The following FOXN3 variants were observed in gnomAD, a reference collection of about 807,000 sequenced individuals.
FOXN3 encodes forkhead box N3.
In FOXN3, 7 loss-of-function variants were observed where a neutral mutation model predicts 38.4. The observed-to-expected ratio is 0.18, with a 90% CI of 0.10 to 0.34. FOXN3 has a LOEUF of 0.34. FOXN3 is among the 10% of genes least tolerant of loss of function. The pLI is 1.00. For synonymous variants in FOXN3, 230 were observed against 242.2 expected (o/e 0.95, Z 0.47); for missense variants, 456 against 613.4 (o/e 0.74, Z 2.71).
chr14:89,340,507 A>G (rs1888584913), intron 3 of FOXN3, among the ~76,000 whole-genome samples: 1 of 152,222 alleles, frequency 6.6e-6, no homozygotes, highest in African/African-American at 2.4e-5. Context: ...TCTCACATCC[A>G]TGGCAGAGTC....
chr14:89,469,647 C>T (rs1893049902), intron 1 of FOXN3, among the ~76,000 whole-genome samples: 2 of 152,194 alleles, frequency 1.3e-5, no homozygotes, highest in Non-Finnish European at 2.9e-5. Flanking sequence ...TTTGATCGCC[C>T]TCTGGGTGCC....
intron 1 of FOXN3, among the ~76,000 whole-genome samples, chr14:89,551,628 G>A (rs1324986115): frequency 6.6e-6 from 1 of 152,172 alleles, no homozygotes; most frequent in African/African-American, 2.4e-5. Flanking sequence ...GCTTCTGGAC[G>A]AGTGTGTAGT....
chr14:89,487,319 A>G (rs1893468466), intron 1 of FOXN3, among the ~76,000 whole-genome samples: 1 of 152,248 alleles, frequency 6.6e-6, no homozygotes, highest in Non-Finnish European at 1.5e-5. Flanking sequence ...TCTCTAATGA[A>G]AAGAATGGCA....
rs75398210 is a variant in FOXN3 at position 89,446,702 on chromosome 14, C to G, written c.-14-34212G>C. ...CTGAGACCATATCTGCCTTGGTTGT[C>G]ACTACACACTTTTCACACCTACCAG... On this transcript the variant is annotated intron_variant, in intron 1 of 6. Transcript: ENST00000345097. Among the ~76,000 whole-genome samples the G allele has an allele frequency of 2.0e-3, 308 of 152,188 alleles. 1 individual carries two copies. The highest frequency in any genetic ancestry group is 0.017 in the Middle Eastern group (5 of 292).
At position 89,280,940 on chromosome 14, in the gene FOXN3, A is replaced by AG. The variant is rs1566945637; in HGVS notation, c.745+9dup. On this transcript the variant is annotated intron_variant, in intron 4 of 5. Transcript: ENST00000557258. ...GGGAGGGAGAGGAAGGGGTGTTACT[A>AG]GGGACCTACCTTGGAGAAGGGCTCC... 1.9e-6 allele frequency: 3 copies of AG among 1,612,556 alleles called. No individual in the cohort carries two copies. The highest frequency in any genetic ancestry group is 4.5e-5 in the East Asian group (2 of 44,848).
chr14:89,413,053 C>T (rs1008212616), intron 1 of FOXN3, among the ~76,000 whole-genome samples: 44 of 152,178 alleles, frequency 2.9e-4, no homozygotes, highest in African/African-American at 1.1e-3. Context: ...CCCTCCACCC[C>T]GACCCACCAC....
At chr14:89,248,611 G>A (rs770787631) in intron 4 of FOXN3, among the ~76,000 whole-genome samples, 2 of 152,242 alleles carry the variant, frequency 1.3e-5, no homozygotes, top group Admixed American at 6.5e-5. Context: ...GCATGCCTAC[G>A]TGTGCTGTGC....
chr14:89,159,992 G>C lies in FOXN3; in HGVS notation c.*2422C>G, dbSNP rs1302396452. On this transcript the variant is annotated 3_prime_UTR_variant, in exon 6 of 6. Transcript: ENST00000557258. ...GTAAGTGTGGGGAATGCACCAGTTA[G>C]TTCCCACTGTCCGGGCTGATGGAGC... is the stretch of plus-strand genomic sequence containing the variant. The C allele has an allele frequency of 6.6e-6, 1 of 152,156 alleles. No homozygotes were observed. Among genetic ancestry groups the C allele is most frequent in the African/African-American group, 2.4e-5 (1 of 41,412 alleles). The allele number at this position is 152,156 out of a possible 1,614,324, so 9.4% of individuals were successfully genotyped here. A position where few individuals can be genotyped will look rare whatever the true frequency, so the allele number is the denominator to read the frequency against.
intron 2 of FOXN3, among the ~76,000 whole-genome samples, chr14:89,375,343 TAAG>T (rs756797754): frequency 7.2e-5 from 11 of 152,306 alleles, no homozygotes; most frequent in East Asian, 3.9e-4. Context: ...TAAATTTTTT[TAAG>T]AAGTACACAA....
chr14:89,488,697 C>T (rs964110672), intron 1 of FOXN3, among the ~76,000 whole-genome samples: 5 of 151,554 alleles, frequency 3.3e-5, no homozygotes, highest in African/African-American at 7.2e-5. Flanking sequence ...AGGGAAGAAC[C>T]GCAACTGCTT....
At chr14:89,493,254 AT>A (rs1006468914) in intron 1 of FOXN3, among the ~76,000 whole-genome samples, 1 of 152,216 alleles carries the variant, frequency 6.6e-6, no homozygotes, top group Non-Finnish European at 1.5e-5. Flanking sequence ...AAATAAAAAA[AT>A]TTTTTGACAT....
intron 1 of FOXN3, among the ~76,000 whole-genome samples, chr14:89,452,830 A>G (rs1892639270): frequency 6.6e-6 from 1 of 152,238 alleles, no homozygotes; most frequent in African/African-American, 2.4e-5. Context: ...AACCTTTCAA[A>G]GTGCCTATCT....
chr14:89,501,177 C>T (rs1399522452), intron 1 of FOXN3, among the ~76,000 whole-genome samples: 1 of 152,124 alleles, frequency 6.6e-6, no homozygotes, highest in African/African-American at 2.4e-5. Flanking sequence ...GTATCTTATG[C>T]TAATCCTTAA....
In FOXN3 at chr14:89,490,136, G is replaced by A. The variant is rs117917586; in HGVS notation, c.-14-77646C>T. Among the ~76,000 whole-genome samples the A allele has an allele frequency of 6.0e-3, 918 of 152,298 alleles. 23 individuals are homozygous for A. In the East Asian group the frequency reaches 0.061, roughly 10 times the overall value. ...TGGCCCAGTGATACGGTGCCCAGGC[G>A]CTGGGAGGCATGTGCTTTCTTTTTT... On this transcript the variant is annotated intron_variant, in intron 1 of 6. Coordinates refer to the FOXN3 transcript ENST00000345097.
At chr14:89,433,640 T>G (rs2140115655) in intron 1 of FOXN3, among the ~76,000 whole-genome samples, 1 of 151,984 alleles carries the variant, frequency 6.6e-6, no homozygotes, top group South Asian at 2.1e-4. Flanking sequence ...CTGTCTCTAC[T>G]AAAAATACAA....
Position 89,417,003 on chromosome 14 carries a change from G to GGGGCGGC in FOXN3, c.-154_-148dup, listed in dbSNP as rs1020850092. Reference sequence around the variant, plus strand: ...CGCGCGGGCGCGGCGCGGCGAGCCCGGGGCGGCGGGCGGCGGGGGGCGGCC... The same window carrying GGGGCGGC: ...CGCGCGGGCGCGGCGCGGCGAGCCCGGGGCGGCGGGCGGCGGGCGGCGGGGGGCGGCC... On this transcript the variant is annotated 5_prime_UTR_variant, in exon 1 of 6. The change creates a premature stop within an existing upstream ORF in the 5' untranslated region. Coordinates refer to ENST00000557258, the MANE Select transcript of FOXN3 (RefSeq NM_005197.4). The GGGGCGGC allele has an allele frequency of 9.6e-5, 14 of 145,650 alleles. No homozygotes were observed. The highest frequency in any genetic ancestry group is 1.7e-4 in the African/African-American group (7 of 40,666). The allele number at this position is 145,650 out of a possible 1,614,324, so 9.0% of individuals were successfully genotyped here.
At chr14:89,354,376 C>T (rs1349944646) in intron 2 of FOXN3, among the ~76,000 whole-genome samples, 1 of 150,902 alleles carries the variant, frequency 6.6e-6, no homozygotes, top group Non-Finnish European at 1.5e-5. Context: ...CAGGCACCCG[C>T]CACCACGCCC....
At chr14:89,485,013 G>A (rs960135300) in intron 1 of FOXN3, among the ~76,000 whole-genome samples, 11 of 151,996 alleles carry the variant, frequency 7.2e-5, no homozygotes, top group East Asian at 3.9e-4. Context: ...TTAGCCGGGC[G>A]TGGTGGTGGA....
chr14:89,183,807 C>G (rs1887734805), intron 4 of FOXN3: 1 of 152,144 alleles, frequency 6.6e-6, no homozygotes, highest in African/African-American at 2.4e-5. Context: ...CAGAGAAGTG[C>G]CCTGCGCTGC....
Sources: gnomAD v4.1 joint callset for allele counts (sites outside exome capture counted in the v4.1 genomes callset) on GRCh38, gnomAD v4.1.1 for gene constraint, MANE v1.5 for transcripts, NCBI Gene and HGNC (gene_info 2026-07-23, HGNC 2026-07-21) for gene names.